The following XRN2 variants were observed in gnomAD, a reference collection of about 807,000 sequenced individuals.
XRN2 encodes 5'-3' exoribonuclease 2, also known as DHM1-like protein.
In XRN2, 44 loss-of-function variants were observed where a neutral mutation model predicts 138.5. That is an observed-to-expected ratio of 0.32 (90% CI 0.25 to 0.41). XRN2 has a LOEUF of 0.41. Ranked by LOEUF, XRN2 falls within the 10% of genes least tolerant of loss-of-function variation. The pLI, the probability that XRN2 is intolerant of heterozygous loss-of-function variation, is 1.00. For synonymous variants in XRN2, 354 were observed against 369.4 expected (o/e 0.96, Z 0.48); for missense variants, 937 against 1,169.3 (o/e 0.80, Z 2.90).
At chr20:21,330,339 C>G (rs956849147) in intron 4 of XRN2, 142 bp from the exon 5 acceptor site, 5 of 631,792 alleles carry the variant, frequency 7.9e-6, no homozygotes, top group Non-Finnish European at 1.3e-5. Context: ...ATTTTCTTCC[C>G]AGTGAGGGAA....
intron 1 of XRN2, among the ~76,000 whole-genome samples, chr20:21,311,086 C>T (rs1276101957): frequency 1.3e-5 from 2 of 152,098 alleles, no homozygotes; most frequent in African/African-American, 4.8e-5. Context: ...AGAATCTCTG[C>T]CCCCTCTTTT....
rs2037766504 is a variant in XRN2 at position 21,303,460 on chromosome 20, G to C, written c.62G>C (p.Cys21Ser). 1 of 1,545,034 alleles carries C rather than the reference G, an allele frequency of 6.5e-7. No homozygotes were observed. Among genetic ancestry groups the C allele is most frequent in the Non-Finnish European group, 8.7e-7 (1 of 1,145,098 alleles). Residue 21 changes from cysteine (C) to serine (S), a missense_variant, in exon 1 of 30, where the codon TGC becomes TCC. By Grantham distance (112) the Cys-to-Ser change is moderately radical (BLOSUM62 -1). Transcript: ENST00000377191. ...SRKYPSIIVN[C>S]VEEKPKECNG... The stretch of plus-strand genomic sequence containing the variant: ...AAGTACCCGTCCATCATAGTCAACT[G>C]CGTGGAAGAGAAGGTGAGGAGGCGC...
chr20:21,319,807 C>T (rs568549346), intron 1 of XRN2, among the ~76,000 whole-genome samples: 68 of 152,156 alleles, frequency 4.5e-4, no homozygotes, highest in African/African-American at 1.6e-3. Context: ...TAGCCATTTC[C>T]TTAGCCCACT....
chr20:21,317,188 A>C (rs182913964), intron 1 of XRN2, among the ~76,000 whole-genome samples: 3 of 152,302 alleles, frequency 2.0e-5, no homozygotes, highest in African/African-American at 7.2e-5. Context: ...GAAAGCATTT[A>C]GGCTTTGACC....
In XRN2 at chr20:21,339,073, AAGAAAG is replaced by A. The variant is rs2038337707; in HGVS notation, c.1268_1273del (p.Lys423_Arg424del). The A allele has an allele frequency of 6.2e-7, 1 of 1,605,844 alleles. No individual in the cohort carries two copies. Among genetic ancestry groups the A allele is most frequent in the Admixed American group, 1.7e-5 (1 of 58,920 alleles). On this transcript the variant is annotated inframe_deletion, in exon 14 of 30. Transcript: ENST00000377191. ...GTTTTAGAAGACGACAGAAAGAAAA[AAGAAAG>A]AGAATGAAGGTGAGTTTTAATTAAT...
At chr20:21,330,902 T>C (rs1219591748) in intron 6 of XRN2, among the ~76,000 whole-genome samples, 197 bp downstream of exon 6, 1 of 152,190 alleles carries the variant, frequency 6.6e-6, no homozygotes, top group Non-Finnish European at 1.5e-5. Context: ...AATTTTCTCT[T>C]AAAGCCAATT....
chr20:21,313,335 C>A (rs894896043), intron 1 of XRN2, among the ~76,000 whole-genome samples: 6 of 152,300 alleles, frequency 3.9e-5, no homozygotes, highest in African/African-American at 1.4e-4. Flanking sequence ...TCATTTGTTG[C>A]CAGCTGGGAA....
At position 21,332,393 on chromosome 20, in the gene XRN2, C is replaced by T. The variant is rs748169656; in HGVS notation, c.811C>T (p.His271Tyr). The T allele has an allele frequency of 6.2e-6, 10 of 1,612,338 alleles. No individual in the cohort carries two copies. The highest frequency in any genetic ancestry group is 8.5e-6 in the Non-Finnish European group (10 of 1,179,312). Residue 271 changes from histidine to tyrosine, a missense_variant, in exon 9 of 30, where the codon CAT becomes TAT. This residue lies in a region of XRN2 where 471 missense variants were observed against 581.2 expected (regional missense o/e 0.81). Transcript: ENST00000377191. ...ATGTGGTCTTTGTAATCAGTTTGGA[C>T]ATGAGGTCAAAGATTGTGAAGGTTT... ...KPCGLCNQFG[H>Y]EVKDCEGLPR...
At chr20:21,321,598 A>C (rs964708306) in intron 1 of XRN2, among the ~76,000 whole-genome samples, 1 of 152,092 alleles carries the variant, frequency 6.6e-6, no homozygotes, top group Non-Finnish European at 1.5e-5. Flanking sequence ...GATTACAGGC[A>C]TGAGCCACTG....
rs1223962867 is a variant in XRN2 at position 21,330,624 on chromosome 20, A to G, written c.495A>G (p.Glu165=). The part of the protein sequence containing the change: ...FDSNCITPGT[E]FMDNLAKCLR... ...TCTTTCTATCATTTTAGGGAACTGA[A>G]TTCATGGACAATCTTGCTAAATGCC... The change falls in exon 6 of 30, where the codon GAA becomes GAG. Residue 165 remains glutamate (E), a synonymous_variant. Transcript: ENST00000377191. 5.0e-6 allele frequency: 8 copies of G among 1,613,768 alleles called. No homozygotes were observed. Among genetic ancestry groups the G allele is most frequent in the Non-Finnish European group, 6.8e-6 (8 of 1,179,950 alleles).
chr20:21,368,880 A>G (rs1465131312), intron 27 of XRN2, among the ~76,000 whole-genome samples: 2 of 152,206 alleles, frequency 1.3e-5, no homozygotes, highest in African/African-American at 4.8e-5. Context: ...TGGGGTATCC[A>G]TCACCTCTAG....
chr20:21,349,795 TTA>T (rs2038483542), intron 20 of XRN2, among the ~76,000 whole-genome samples: 1 of 152,188 alleles, frequency 6.6e-6, no homozygotes, highest in African/African-American at 2.4e-5. Flanking sequence ...ATTTTGAGAA[TTA>T]TATGTGAAAT....
At chr20:21,352,950 C>T (rs957215517) in intron 20 of XRN2, among the ~76,000 whole-genome samples, 2 of 151,890 alleles carry the variant, frequency 1.3e-5, no homozygotes, top group Non-Finnish European at 2.9e-5. Flanking sequence ...TGTTTACTAT[C>T]AGCTCACTGT....
At position 21,389,282 on chromosome 20, in the gene XRN2, A is replaced by AGAAG; in HGVS notation, c.2799_2800insAGGA (p.Glu934ArgfsTer49). The AGAAG allele has an allele frequency of 6.2e-7, 1 of 1,613,080 alleles. No individual in the cohort carries two copies. Among genetic ancestry groups the AGAAG allele is most frequent in the Non-Finnish European group, 8.5e-7 (1 of 1,179,548 alleles). On this transcript the variant is annotated frameshift_variant, in exon 30 of 30. Transcript: ENST00000377191. LOFTEE classifies it high-confidence loss of function. ...TTTTGTTTATTTTCAGGGATATCCC[A>AGAAG]GAGAAGGAAGGAAATACCCTTTGCC...
chr20:21,356,446 C>T (rs2038576882), intron 22 of XRN2, 140 bp from the exon 23 acceptor site: 1 of 669,156 alleles, frequency 1.5e-6, no homozygotes, highest in Non-Finnish European at 2.5e-6. Flanking sequence ...CTTTTTTATC[C>T]ACTTATCTAT....
intron 13 of XRN2, among the ~76,000 whole-genome samples, chr20:21,337,858 C>G (rs528946949): frequency 9.2e-5 from 14 of 152,046 alleles, no homozygotes; most frequent in Non-Finnish European, 1.8e-4. Flanking sequence ...GAAGACTGAT[C>G]CAAGGAGGAA....
At chr20:21,327,752 A>G (rs1027858641) in intron 3 of XRN2, among the ~76,000 whole-genome samples, 3 of 152,208 alleles carry the variant, frequency 2.0e-5, no homozygotes, top group African/African-American at 4.8e-5. Flanking sequence ...AGAACTTTGT[A>G]CTTGAGAGGG....
intron 1 of XRN2, among the ~76,000 whole-genome samples, chr20:21,309,116 CTG>C (rs1197694698): frequency 6.6e-6 from 1 of 152,190 alleles, no homozygotes; most frequent in Non-Finnish European, 1.5e-5. Context: ...AATTGTGTCT[CTG>C]TTCACAAAAG....
chr20:21,345,814 C>T (rs1402954173), intron 16 of XRN2, among the ~76,000 whole-genome samples: 1 of 152,096 alleles, frequency 6.6e-6, no homozygotes, highest in Non-Finnish European at 1.5e-5. Flanking sequence ...CTATATATAT[C>T]TCTATCTCCT....
Sources: gnomAD v4.1 joint callset for allele counts (sites outside exome capture counted in the v4.1 genomes callset) on GRCh38, gnomAD v4.1.1 for gene constraint, gnomAD v4.1.1 regional missense constraint, MANE v1.5 for transcripts, NCBI Gene and HGNC (gene_info 2026-07-23, HGNC 2026-07-21) for gene names.